PVT1: variants seen among roughly 807,000 people sequenced by gnomAD.
PVT1 encodes the protein Pvt1 oncogene.
At chr8:127,892,413 G>C (rs539758565) in intron 3 of PVT1, among the ~76,000 whole-genome samples, 64 of 152,274 alleles carry the variant, frequency 4.2e-4, no homozygotes, top group African/African-American at 1.5e-3. Flanking sequence ...CAAATATGGT[G>C]ACTCTCCGTG....
chr8:127,885,484 G>T (rs1472178883), intron 2 of PVT1, among the ~76,000 whole-genome samples: 4 of 152,140 alleles, frequency 2.6e-5, no homozygotes, highest in African/African-American at 9.7e-5. Context: ...TCCTGGTTTA[G>T]CAATGATGCC....
intron 4 of PVT1, among the ~76,000 whole-genome samples, chr8:128,016,276 CAA>C (rs11333334): frequency 1.9e-4 from 26 of 134,300 alleles, no homozygotes; most frequent in Non-Finnish European, 2.0e-4. Flanking sequence ...GACCCTGTCT[CAA>C]AAAAAAAAAA....
At chr8:127,901,353 A>G (rs549383593) in intron 3 of PVT1, among the ~76,000 whole-genome samples, 3 of 152,174 alleles carry the variant, frequency 2.0e-5, no homozygotes, top group Admixed American at 2.0e-4. Context: ...AGTTACTGTA[A>G]CCACTTTATG....
At chr8:128,005,732 G>A (rs1817238906) in intron 4 of PVT1, among the ~76,000 whole-genome samples, 1 of 152,296 alleles carries the variant, frequency 6.6e-6, no homozygotes, top group African/African-American at 2.4e-5. Flanking sequence ...GTAGTGCTGA[G>A]TGCTAGCAAA....
chr8:128,060,679 T>C (rs1813819408), intron 4 of PVT1, among the ~76,000 whole-genome samples: 2 of 152,226 alleles, frequency 1.3e-5, no homozygotes, highest in Admixed American at 1.3e-4. Flanking sequence ...CTTTTGCAGT[T>C]AAACTTCCGA....
At chr8:127,855,551 C>T (rs1815151680) in intron 2 of PVT1, among the ~76,000 whole-genome samples, 1 of 152,144 alleles carries the variant, frequency 6.6e-6, no homozygotes, top group Non-Finnish European at 1.5e-5. Flanking sequence ...TAAAGTGTAG[C>T]CCCTTCTCTC....
At chr8:127,814,974 T>G (rs1178995688) in intron 2 of PVT1, among the ~76,000 whole-genome samples, 3 of 152,182 alleles carry the variant, frequency 2.0e-5, no homozygotes, top group Non-Finnish European at 2.9e-5. Context: ...TTTTATTTTT[T>G]ATTTTTTTTT....
At chr8:127,978,988 C>T (rs553530037) in intron 3 of PVT1, among the ~76,000 whole-genome samples, 12 of 152,306 alleles carry the variant, frequency 7.9e-5, no homozygotes, top group South Asian at 4.1e-4. Flanking sequence ...GTGACCCTTC[C>T]GCCTTGGCGG....
chr8:127,854,905 T>G, intron 2 of PVT1: 1 of 354,574 alleles, frequency 2.8e-6, no homozygotes, highest in East Asian at 4.1e-5. Context: ...TGCACTGAGG[T>G]TGTGAATTCT....
In PVT1 at chr8:127,923,019, A is replaced by G. The variant is rs562963658; in HGVS notation, n.782+32021A>G. On this transcript the variant is annotated intron_variant and non_coding_transcript_variant, in intron 3 of 10. Transcript: ENST00000651587. ...CCATATTTTGGGCAGTGCTCACCCT[A>G]TCTCATTTTATCTTACTGTATATCT... Among the ~76,000 whole-genome samples the G allele has an allele frequency of 8.5e-5, 13 of 152,198 alleles. No homozygotes were observed. The South Asian group carries it at 2.5e-3, about 29-fold the overall frequency.
intron 4 of PVT1, among the ~76,000 whole-genome samples, chr8:127,990,161 C>G (rs1417551664): frequency 5.9e-5 from 9 of 152,188 alleles, no homozygotes; most frequent in Admixed American, 1.3e-4. Flanking sequence ...ATCACCTTCC[C>G]AGTTGTGCCC....
intron 2 of PVT1, among the ~76,000 whole-genome samples, chr8:127,813,155 T>A (rs924865544): frequency 1.4e-4 from 20 of 146,126 alleles, no homozygotes; most frequent in African/African-American, 5.0e-4. Context: ...AAAAAAAATA[T>A]ATGTATATAA....
chr8:128,096,569 C>G (rs980015938), exon 6 of PVT1: 1 of 152,138 alleles, frequency 6.6e-6, no homozygotes, highest in Non-Finnish European at 1.5e-5. Flanking sequence ...AGAGGATCAC[C>G]CCAGGAACGC....
intron 2 of PVT1, among the ~76,000 whole-genome samples, chr8:127,869,557 A>G (rs1815328400): frequency 6.6e-6 from 1 of 152,140 alleles, no homozygotes; most frequent in Non-Finnish European, 1.5e-5. Flanking sequence ...AGAAGATGGT[A>G]GACAATACCA....
At chr8:128,080,578 A>G (rs1159934503) in intron 5 of PVT1, among the ~76,000 whole-genome samples, 3 of 152,204 alleles carry the variant, frequency 2.0e-5, no homozygotes, top group African/African-American at 7.2e-5. Flanking sequence ...TATTCTTGAG[A>G]TTTAAGAGTT....
chr8:127,938,844 G>A lies in PVT1; in HGVS notation n.782+47846G>A, dbSNP rs536882338. On this transcript the variant is annotated intron_variant and non_coding_transcript_variant, in intron 3 of 10. Coordinates refer to ENST00000651587, the Ensembl canonical transcript of PVT1. ...TTCGATGGTGCAGTCATCGTGTGGC[G>A]GAATGCATGCTCACACAGGGAAGTT... Among the ~76,000 whole-genome samples, 4 of 152,302 alleles carry A rather than the reference G, an allele frequency of 2.6e-5. No individual in the cohort carries two copies. In the East Asian group the frequency reaches 7.7e-4, roughly 29 times the overall value.
intron 2 of PVT1, among the ~76,000 whole-genome samples, chr8:127,886,544 T>C (rs145135089): frequency 1.6e-3 from 250 of 152,356 alleles, no homozygotes; most frequent in Middle Eastern, 6.8e-3. Flanking sequence ...ATAATTTCTA[T>C]TGGCCTCTCC....
chr8:127,934,883 C>T (rs908765469), intron 3 of PVT1, among the ~76,000 whole-genome samples: 4 of 152,102 alleles, frequency 2.6e-5, no homozygotes, highest in Non-Finnish European at 5.9e-5. Flanking sequence ...GGCCAGATGG[C>T]GTTGGGCTAG....
chr8:127,969,460 C>G (rs1482081963), intron 3 of PVT1, among the ~76,000 whole-genome samples: 2 of 152,170 alleles, frequency 1.3e-5, no homozygotes, highest in African/African-American at 4.8e-5. Flanking sequence ...TGCTGGCCAC[C>G]ACATATCATG....
Sources: gnomAD v4.1 joint callset for allele counts (sites outside exome capture counted in the v4.1 genomes callset) on GRCh38, gnomAD v4.1.1 for gene constraint, MANE v1.5 for transcripts, NCBI Gene and HGNC (gene_info 2026-07-23, HGNC 2026-07-21) for gene names.